The following CDH9 variants were observed in gnomAD, a reference collection of about 807,000 sequenced individuals.
The protein encoded by CDH9 is cadherin 9.
CDH9 carries 28 observed loss-of-function variants against 70.9 expected under a neutral mutation model. That is an observed-to-expected ratio of 0.40 (90% CI 0.29 to 0.54). The LOEUF is 0.54. Ranked by LOEUF, CDH9 falls within the 20% of genes least tolerant of loss-of-function variation. The pLI is 0.59. For synonymous variants in CDH9, 409 were observed against 343.1 expected, an observed-to-expected ratio of 1.19 and a Z score of -2.12; for missense variants, 874 against 984.4, an observed-to-expected ratio of 0.89 and a Z score of 1.50.
chr5:26,953,676 T>G (rs2112050856), intron 2 of CDH9, among the ~76,000 whole-genome samples: 1 of 152,302 alleles, frequency 6.6e-6, no homozygotes, highest in South Asian at 2.1e-4. Flanking sequence ...GCCTATACCT[T>G]TTGTTTCCTC....
At chr5:26,938,793 T>C (rs772119991) in intron 2 of CDH9, among the ~76,000 whole-genome samples, 22 of 152,110 alleles carry the variant, frequency 1.4e-4, no homozygotes, top group Non-Finnish European at 2.6e-4. Flanking sequence ...CACTGATGTA[T>C]TCAGCAACTT....
At chr5:27,001,324 G>T (rs1742764006) in intron 1 of CDH9, among the ~76,000 whole-genome samples, 1 of 152,066 alleles carries the variant, frequency 6.6e-6, no homozygotes, top group South Asian at 2.1e-4. Flanking sequence ...AGAGGCACTG[G>T]ACTCTAGTTA....
At chr5:26,894,962 G>T (rs551462166) in intron 7 of CDH9, among the ~76,000 whole-genome samples, 8 of 151,990 alleles carry the variant, frequency 5.3e-5, no homozygotes. Flanking sequence ...TTTCTTATTT[G>T]CTTTATATTT....
At chr5:27,024,225 G>A (rs1027403865) in intron 1 of CDH9, among the ~76,000 whole-genome samples, 1 of 151,714 alleles carries the variant, frequency 6.6e-6, no homozygotes, top group African/African-American at 2.4e-5. Flanking sequence ...CATAAATAGA[G>A]ATTTTTATTC....
intron 1 of CDH9, among the ~76,000 whole-genome samples, chr5:26,996,901 A>G (rs942452350): frequency 4.6e-5 from 7 of 152,014 alleles, no homozygotes; most frequent in African/African-American, 1.7e-4. Context: ...AATTAGTTTA[A>G]GGAAAACAGA....
intron 7 of CDH9, among the ~76,000 whole-genome samples, chr5:26,897,962 A>C (rs1205861687): frequency 6.6e-6 from 1 of 152,212 alleles, no homozygotes; most frequent in Non-Finnish European, 1.5e-5. Context: ...CCTGATAAGC[A>C]ATTTCAGCAA....
chr5:26,894,854 C>G (rs1391231310), intron 7 of CDH9, among the ~76,000 whole-genome samples: 2 of 152,010 alleles, frequency 1.3e-5, no homozygotes, highest in Non-Finnish European at 1.5e-5. Flanking sequence ...TATAAATACT[C>G]TCTGCAGAGA....
chr5:26,939,467 TG>T (rs1188251364), intron 2 of CDH9, among the ~76,000 whole-genome samples: 1 of 151,446 alleles, frequency 6.6e-6, no homozygotes, highest in African/African-American at 2.4e-5. Context: ...TTTATACATA[TG>T]TATATATACT....
chr5:26,994,595 GA>G lies in CDH9; in HGVS notation c.-49-6214del, dbSNP rs1171003581. 2.6e-5 allele frequency among the ~76,000 whole-genome samples: 4 copies of G among 151,824 alleles called. No individual in the cohort carries two copies. The South Asian group carries it at 8.3e-4, about 32-fold the overall frequency. Reference sequence around the variant, plus strand: ...TTTTTTTTGCTCTTGGCTATGTGAAGATACAATGAGAAAATGGTTGTCTGTA... The same window carrying G: ...TTTTTTTTGCTCTTGGCTATGTGAAGTACAATGAGAAAATGGTTGTCTGTA... On this transcript the variant is annotated intron_variant, in intron 1 of 11. Coordinates refer to ENST00000231021, the MANE Select transcript of CDH9 (RefSeq NM_016279.4).
rs536478324 is a variant in CDH9 at position 26,923,913 on chromosome 5, GA to G, written c.229-7990del. ...AATACAGAAAAAGCAATAGGAAGAG[GA>G]AAGTTCATAGCAATAAGCACTTATA... On this transcript the variant is annotated intron_variant, in intron 2 of 11. Coordinates refer to ENST00000231021, the MANE Select transcript of CDH9 (RefSeq NM_016279.4). 2.6e-5 allele frequency among the ~76,000 whole-genome samples: 4 copies of G among 152,004 alleles called. No homozygotes were observed. In the East Asian group the frequency reaches 7.7e-4, roughly 29 times the overall value.
intron 2 of CDH9, among the ~76,000 whole-genome samples, chr5:26,935,605 T>A (rs906588467): frequency 6.6e-6 from 1 of 152,074 alleles, no homozygotes; most frequent in Non-Finnish European, 1.5e-5. Flanking sequence ...CAAAAAAGAA[T>A]AGATGTTGGT....
At chr5:26,901,233 A>C (rs1740849070) in intron 7 of CDH9, among the ~76,000 whole-genome samples, 1 of 151,972 alleles carries the variant, frequency 6.6e-6, no homozygotes, top group Non-Finnish European at 1.5e-5. Flanking sequence ...ACAATATAAC[A>C]AGTACATAAT....
intron 2 of CDH9, among the ~76,000 whole-genome samples, chr5:26,980,385 G>T (rs928449242): frequency 6.6e-6 from 1 of 151,748 alleles, no homozygotes; most frequent in African/African-American, 2.4e-5. Context: ...CTACGAATTA[G>T]AATATTTACT....
intron 2 of CDH9, among the ~76,000 whole-genome samples, chr5:26,973,429 C>T (rs916555762): frequency 2.0e-5 from 3 of 151,276 alleles, no homozygotes; most frequent in African/African-American, 7.4e-5. Context: ...TTTTTAGTAT[C>T]TATTTTATTT....
intron 2 of CDH9, among the ~76,000 whole-genome samples, chr5:26,972,824 T>A (rs184069406): frequency 1.3e-5 from 2 of 152,134 alleles, no homozygotes; most frequent in Non-Finnish European, 2.9e-5. Context: ...TGACACTTAA[T>A]CTTGATGCTG....
chr5:26,941,429 C>T (rs1055262226), intron 2 of CDH9, among the ~76,000 whole-genome samples: 2 of 152,160 alleles, frequency 1.3e-5, no homozygotes, highest in Non-Finnish European at 2.9e-5. Flanking sequence ...CTGGTCACAC[C>T]TCAGGGAGTC....
At chr5:26,990,871 G>A (rs1742568476) in intron 1 of CDH9, among the ~76,000 whole-genome samples, 1 of 152,154 alleles carries the variant, frequency 6.6e-6, no homozygotes, top group African/African-American at 2.4e-5. Flanking sequence ...TCCATTTCCT[G>A]GGGTCAGTTC....
chr5:27,033,260 T>C (rs1258420404), intron 1 of CDH9, among the ~76,000 whole-genome samples: 1 of 151,404 alleles, frequency 6.6e-6, no homozygotes, highest in African/African-American at 2.4e-5. Flanking sequence ...GTTCCTCCAG[T>C]TACACATTGT....
intron 3 of CDH9, among the ~76,000 whole-genome samples, chr5:26,909,045 G>A (rs1266445012): frequency 2.0e-5 from 3 of 152,042 alleles, no homozygotes; most frequent in South Asian, 2.1e-4. Context: ...GTGCAGTGGC[G>A]CAATCTCGGC....
Sources: allele counts gnomAD v4.1 joint callset (sites outside exome capture counted in the v4.1 genomes callset), GRCh38; gene constraint gnomAD v4.1.1; transcripts MANE v1.5; gene names NCBI Gene and HGNC (gene_info 2026-07-23, HGNC 2026-07-21).